The following LCLAT1 variants were observed in gnomAD, a reference collection of about 807,000 sequenced individuals.
LCLAT1 encodes lysocardiolipin acyltransferase 1.
Under a neutral mutation model 30.7 loss-of-function variants are expected in LCLAT1, and 11 were observed. The ratio of observed to expected loss-of-function variants is 0.36; its 90% confidence interval spans 0.23 to 0.59. The LOEUF (loss-of-function observed/expected upper bound fraction) is 0.59, where lower values mean the gene tolerates loss of function less well. LCLAT1 is among the 20% of genes least tolerant of loss of function. The pLI is 0.77. For missense variants in LCLAT1, 402 were observed against 458.6 expected, an observed-to-expected ratio of 0.88 and a Z score of 1.13; for synonymous variants, 155 against 151.3, an observed-to-expected ratio of 1.02 and a Z score of -0.18.
At chr2:30,461,242 T>C (rs1682108005) in intron 1 of LCLAT1, among the ~76,000 whole-genome samples, 1 of 152,106 alleles carries the variant, frequency 6.6e-6, no homozygotes, top group South Asian at 2.1e-4. Flanking sequence ...CAGAATTGAG[T>C]TGAATTGTAG....
intron 5 of LCLAT1, among the ~76,000 whole-genome samples, chr2:30,632,705 C>G (rs1668825661): frequency 6.6e-6 from 1 of 152,200 alleles, no homozygotes; most frequent in Non-Finnish European, 1.5e-5. Flanking sequence ...ACTGTAAAGT[C>G]CATATCCCAT....
rs1379046486 is a variant in LCLAT1 at position 30,642,833 on chromosome 2, T to G, written c.*2214T>G. 1.8e-5 allele frequency: 2 copies of G among 109,856 alleles called. No individual in the cohort carries two copies. Among genetic ancestry groups the G allele is most frequent in the Non-Finnish European group, 3.8e-5 (2 of 53,128 alleles). The allele number at this position is 109,856 out of a possible 1,614,324, so 6.8% of individuals were successfully genotyped here. A position where few individuals can be genotyped will look rare whatever the true frequency, so the allele number is the denominator to read the frequency against. Reference sequence around the variant, plus strand: ...AACTTAGAGATACAGACACTGTACTTACTTTTTAAGAATTAGAGACAGTAA... The same window carrying G: ...AACTTAGAGATACAGACACTGTACTGACTTTTTAAGAATTAGAGACAGTAA... On this transcript the variant is annotated 3_prime_UTR_variant, in exon 6 of 6. Transcript: ENST00000379509.
Position 30,641,465 on chromosome 2 carries a change from A to G in LCLAT1, c.*846A>G, listed in dbSNP as rs1029507176. ...ACTTTTTTAAAGGAACACTCAGAAC[A>G]TTCTGTCATTCCAGTCAGAAACTGT... is the stretch of plus-strand genomic sequence containing the variant. On this transcript the variant is annotated 3_prime_UTR_variant, in exon 6 of 6. Coordinates refer to ENST00000379509, the MANE Select transcript of LCLAT1 (RefSeq NM_001002257.3). The G allele has an allele frequency of 6.6e-6, 1 of 152,226 alleles. No homozygotes were observed. Among genetic ancestry groups the G allele is most frequent in the Non-Finnish European group, 1.5e-5 (1 of 68,034 alleles). The allele number at this position is 152,226 out of a possible 1,614,324, so 9.4% of individuals were successfully genotyped here. A position where few individuals can be genotyped will look rare whatever the true frequency, so the allele number is the denominator to read the frequency against.
intron 2 of LCLAT1, among the ~76,000 whole-genome samples, chr2:30,527,145 T>C (rs1685760048): frequency 6.6e-6 from 1 of 152,182 alleles, no homozygotes; most frequent in African/African-American, 2.4e-5. Flanking sequence ...ACAAACTGTA[T>C]GTTAAGTAAT....
At chr2:30,612,615 A>G (rs866401156) in intron 5 of LCLAT1, among the ~76,000 whole-genome samples, 1 of 152,212 alleles carries the variant, frequency 6.6e-6, no homozygotes. Flanking sequence ...TAGCAGAACT[A>G]CAGAGTATCT....
intron 3 of LCLAT1, among the ~76,000 whole-genome samples, chr2:30,539,981 T>C (rs187632204): frequency 1.2e-4 from 19 of 152,368 alleles, no homozygotes; most frequent in Admixed American, 1.0e-3. Flanking sequence ...CATAAAAATA[T>C]TTAATTTTAA....
chr2:30,449,463 A>G (rs2462562), intron 1 of LCLAT1, among the ~76,000 whole-genome samples: 33,789 of 151,664 alleles, frequency 0.22, 3,839 homozygotes, highest in East Asian at 0.35. Context: ...TTGCCCATTA[A>G]TTAAAAAGTT....
intron 5 of LCLAT1, among the ~76,000 whole-genome samples, chr2:30,571,724 A>T (rs6740440): frequency 0.85 from 129,363 of 152,226 alleles, 55,121 homozygotes; most frequent in East Asian, 0.94. Context: ...TCATGCACTC[A>T]GACCTTTTCA....
At chr2:30,522,886 G>A (rs1338210525) in intron 1 of LCLAT1, among the ~76,000 whole-genome samples, 1 of 152,202 alleles carries the variant, frequency 6.6e-6, no homozygotes, top group Non-Finnish European at 1.5e-5. Context: ...CTAATTTGTT[G>A]TGTGGATTTA....
chr2:30,554,362 A>G (rs555853137), intron 3 of LCLAT1, among the ~76,000 whole-genome samples: 166 of 152,366 alleles, frequency 1.1e-3, no homozygotes, highest in African/African-American at 3.8e-3. Flanking sequence ...AATCTCTGAC[A>G]AATAAATAAT....
chr2:30,456,532 C>T (rs1681846122), intron 1 of LCLAT1, among the ~76,000 whole-genome samples: 1 of 151,880 alleles, frequency 6.6e-6, no homozygotes, highest in African/African-American at 2.4e-5. Flanking sequence ...GAAACTTAGG[C>T]TCCCTACATG....
intron 1 of LCLAT1, among the ~76,000 whole-genome samples, chr2:30,500,397 C>G (rs963573704): frequency 6.6e-6 from 1 of 152,100 alleles, no homozygotes; most frequent in Non-Finnish European, 1.5e-5. Flanking sequence ...ACCTCATTGC[C>G]TAGATAAGCT....
intron 5 of LCLAT1, among the ~76,000 whole-genome samples, chr2:30,587,364 T>C (rs920124903): frequency 6.6e-6 from 1 of 152,228 alleles, no homozygotes; most frequent in Non-Finnish European, 1.5e-5. Flanking sequence ...GCAACATCTT[T>C]CTCATGCGGT....
intron 5 of LCLAT1, among the ~76,000 whole-genome samples, chr2:30,616,838 CA>C (rs886423744): frequency 1.4e-3 from 198 of 141,878 alleles, no homozygotes; most frequent in African/African-American, 3.0e-3. Flanking sequence ...ATGCTAATAC[CA>C]AAAAAAAAAA....
intron 5 of LCLAT1, among the ~76,000 whole-genome samples, chr2:30,579,292 A>G (rs1666117042): frequency 1.3e-5 from 2 of 152,160 alleles, no homozygotes; most frequent in Admixed American, 1.3e-4. Context: ...TGCCCTGTAC[A>G]TATTATCTTT....
rs150017889 is a variant in LCLAT1 at position 30,538,478 on chromosome 2, C to T, written c.364+5164C>T. Reference sequence around the variant, plus strand: ...CCAACATGATGAAACCCCATATCTACTAAAATACAAAAATTAGGTGATGGT... The same window carrying T: ...CCAACATGATGAAACCCCATATCTATTAAAATACAAAAATTAGGTGATGGT... On this transcript the variant is annotated intron_variant, in intron 3 of 5. Coordinates refer to ENST00000379509, the MANE Select transcript of LCLAT1 (RefSeq NM_001002257.3). Among the ~76,000 whole-genome samples, 304 of 151,836 alleles carry T rather than the reference C, an allele frequency of 2.0e-3. 4 individuals carry two copies. The highest frequency in any genetic ancestry group is 4.3e-3 in the East Asian group (22 of 5,152).
Position 30,643,108 on chromosome 2 carries a change from TGCC to T in LCLAT1, c.*2490_*2492del, listed in dbSNP as rs1558578904. Reference sequence around the variant, plus strand: ...CCTCAGGAATTCTCCCTTCCACACCTGCCCACCTCACCTCACTGCACCGCACCG... The same window carrying T: ...CCTCAGGAATTCTCCCTTCCACACCTCACCTCACCTCACTGCACCGCACCG... On this transcript the variant is annotated 3_prime_UTR_variant, in exon 6 of 6. Transcript: ENST00000379509. The T allele has an allele frequency of 5.8e-5, 2 of 34,278 alleles. 1 individual carries two copies. Among genetic ancestry groups the T allele is most frequent in the Non-Finnish European group, 1.1e-4 (2 of 18,876 alleles). 2.1% of individuals were successfully genotyped at this position (34,278 alleles called of 1,614,324 possible). A position where few individuals can be genotyped will look rare whatever the true frequency, so the allele number is the denominator to read the frequency against.
intron 1 of LCLAT1, among the ~76,000 whole-genome samples, chr2:30,474,309 G>A (rs1296079197): frequency 6.6e-6 from 1 of 152,164 alleles, no homozygotes; most frequent in Admixed American, 6.5e-5. Flanking sequence ...TTGTAAAATA[G>A]CTCCCATCAA....
intron 1 of LCLAT1, among the ~76,000 whole-genome samples, chr2:30,464,377 A>G (rs1318266330): frequency 6.6e-6 from 1 of 152,144 alleles, no homozygotes; most frequent in African/African-American, 2.4e-5. Context: ...GTGGGTCTTG[A>G]AATTGTGTGT....
Sources: gnomAD v4.1 joint callset for allele counts (sites outside exome capture counted in the v4.1 genomes callset) on GRCh38, gnomAD v4.1.1 for gene constraint, MANE v1.5 for transcripts, NCBI Gene and HGNC (gene_info 2026-07-23, HGNC 2026-07-21) for gene names.